Variants in GALNT7 observed in about 807,000 individuals in gnomAD.
GALNT7 encodes the protein polypeptide N-acetylgalactosaminyltransferase 7, also known as N-acetylgalactosaminyltransferase 7.
In GALNT7, 60 loss-of-function variants were observed where a neutral mutation model predicts 82.1. The ratio of observed to expected loss-of-function variants is 0.73; its 90% CI spans 0.59 to 0.91. The LOEUF (loss-of-function observed/expected upper bound fraction) is 0.91. Ranked by LOEUF, GALNT7 falls within the 40% of genes least tolerant of loss-of-function variation. The pLI, the probability that GALNT7 is intolerant of heterozygous loss-of-function variation, is 0.00. For missense variants in GALNT7, 660 were observed against 804.2 expected, an observed-to-expected ratio of 0.82 and a Z score of 2.17; for synonymous variants, 243 against 275.1, an observed-to-expected ratio of 0.88 and a Z score of 1.15.
chr4:173,216,727 A>ATATATATATATATATATATATATATTT (rs71244915), intron 1 of GALNT7, among the ~76,000 whole-genome samples: 1 of 12,980 alleles, frequency 7.7e-5, no homozygotes, highest in African/African-American at 2.8e-4. Flanking sequence ...ATATATATAT[A>ATATATATATATATATATATATATATTT]TTTTTTTTTT....
intron 1 of GALNT7, among the ~76,000 whole-genome samples, chr4:173,243,500 G>A (rs2126730212): frequency 6.6e-6 from 1 of 152,314 alleles, no homozygotes; most frequent in East Asian, 1.9e-4. Context: ...TTGTACCAGT[G>A]AGTCACAGAG....
intron 2 of GALNT7, among the ~76,000 whole-genome samples, chr4:173,253,774 T>C (rs556668812): frequency 1.3e-5 from 2 of 152,308 alleles, no homozygotes; most frequent in East Asian, 3.9e-4. Context: ...ACTGGTCTGC[T>C]GCCCGGTTTA....
chr4:173,188,953 C>CTTA (rs1732538312), intron 1 of GALNT7, among the ~76,000 whole-genome samples: 2 of 152,174 alleles, frequency 1.3e-5, no homozygotes, highest in South Asian at 4.1e-4. Flanking sequence ...CTGAGTAGCC[C>CTTA]CTGGCCTTAC....
chr4:173,188,694 T>G (rs1280965919), intron 1 of GALNT7, among the ~76,000 whole-genome samples: 2 of 152,174 alleles, frequency 1.3e-5, no homozygotes, highest in Non-Finnish European at 2.9e-5. Context: ...GGCCTTCCTT[T>G]CATGTTCATG....
chr4:173,232,702 C>T (rs1351108498), intron 1 of GALNT7, among the ~76,000 whole-genome samples: 1 of 152,164 alleles, frequency 6.6e-6, no homozygotes, highest in Non-Finnish European at 1.5e-5. Flanking sequence ...TCCCAGAGTG[C>T]TGGGATTACA....
At chr4:173,291,740 T>A (rs1240372197) in intron 2 of GALNT7, among the ~76,000 whole-genome samples, 1 of 149,068 alleles carries the variant, frequency 6.7e-6, no homozygotes, top group East Asian at 2.0e-4. Context: ...GTGAAATAAA[T>A]CTCTTGTGCC....
At chr4:173,284,242 A>G (rs1736226226) in intron 2 of GALNT7, among the ~76,000 whole-genome samples, 1 of 152,234 alleles carries the variant, frequency 6.6e-6, no homozygotes, top group South Asian at 2.1e-4. Flanking sequence ...ATTATAAACC[A>G]TTTTTTGAAG....
intron 2 of GALNT7, among the ~76,000 whole-genome samples, chr4:173,283,651 A>G (rs1561188711): frequency 6.6e-6 from 1 of 151,808 alleles, no homozygotes; most frequent in Non-Finnish European, 1.5e-5. Flanking sequence ...AAAAAAAAAA[A>G]AAGAAAGTGA....
chr4:173,256,968 A>G (rs1338458147), intron 2 of GALNT7, among the ~76,000 whole-genome samples: 1 of 152,200 alleles, frequency 6.6e-6, no homozygotes, highest in Non-Finnish European at 1.5e-5. Context: ...TATGGCCACA[A>G]TGGGGAGAAA....
Position 173,248,439 on chromosome 4 carries a change from G to T in GALNT7, c.586G>T (p.Glu196Ter). 1 of 1,581,650 alleles carries T rather than the reference G, an allele frequency of 6.3e-7. No individual in the cohort carries two copies. Among genetic ancestry groups the T allele is most frequent in the Non-Finnish European group, 8.6e-7 (1 of 1,156,830 alleles). The change falls in exon 2 of 12, where the codon GAA (glutamate) becomes TAA (stop). Residue 196 changes from glutamate (E) to a stop codon, truncating the protein, a stop_gained and splice_region_variant. Transcript: ENST00000265000. LOFTEE classifies it high-confidence loss of function. ...DRSVNDLRQE[E>*]CKYWHYDENL... The stretch of plus-strand genomic sequence containing the variant: ...CAGCGTCAATGACTTACGCCAAGAA[G>T]AGTAAGCACACATCCTCTTCTTTCT...
At chr4:173,271,747 G>A (rs1157375674) in intron 2 of GALNT7, among the ~76,000 whole-genome samples, 1 of 152,144 alleles carries the variant, frequency 6.6e-6, no homozygotes, top group Non-Finnish European at 1.5e-5. Flanking sequence ...GTGAGCCACT[G>A]TGCCTGGCCC....
chr4:173,289,754 G>A (rs752292726), intron 2 of GALNT7, among the ~76,000 whole-genome samples: 64 of 152,304 alleles, frequency 4.2e-4, no homozygotes, highest in Non-Finnish European at 8.1e-4. Flanking sequence ...AAAGAACAAA[G>A]GGCTTCTGTA....
chr4:173,169,560 T>A (rs1731776690), intron 1 of GALNT7: 1 of 151,380 alleles, frequency 6.6e-6, no homozygotes. Flanking sequence ...CGCCTCCGGC[T>A]CTTACGGAGA....
chr4:173,198,091 G>A lies in GALNT7; in HGVS notation c.126+29130G>A, dbSNP rs542234253. 1.5e-4 allele frequency among the ~76,000 whole-genome samples: 23 copies of A among 151,232 alleles called. No homozygotes were observed. In the East Asian group the frequency reaches 1.7e-3, roughly 11 times the overall value. On this transcript the variant is annotated intron_variant, in intron 1 of 11. Coordinates refer to ENST00000265000, the MANE Select transcript of GALNT7 (RefSeq NM_017423.3). ...TTTTTTTTTTTTGAGACGGAGTCTCGCTCTGTCACCCAGGCTGGAGTGCAG... is the reference window on the plus strand; with the variant it reads ...TTTTTTTTTTTTGAGACGGAGTCTCACTCTGTCACCCAGGCTGGAGTGCAG...
At chr4:173,235,074 T>C (rs994953531) in intron 1 of GALNT7, among the ~76,000 whole-genome samples, 3 of 152,222 alleles carry the variant, frequency 2.0e-5, no homozygotes, top group Non-Finnish European at 2.9e-5. Flanking sequence ...TAATTAACCC[T>C]TGAATCTGTC....
chr4:173,224,088 G>C (rs1733724040), intron 1 of GALNT7, among the ~76,000 whole-genome samples: 1 of 151,976 alleles, frequency 6.6e-6, no homozygotes, highest in African/African-American at 2.4e-5. Flanking sequence ...TTCACCTAAA[G>C]GAAACCATCC....
At chr4:173,248,582 T>C in intron 2 of GALNT7, 142 bp downstream of exon 2, 1 of 627,002 alleles carries the variant, frequency 1.6e-6, no homozygotes, top group Non-Finnish European at 2.7e-6. Context: ...AACAGCAAAA[T>C]GGTCAGAAGG....
chr4:173,261,614 C>T lies in GALNT7; in HGVS notation c.587+13174C>T, dbSNP rs181404420. 9.7e-3 allele frequency among the ~76,000 whole-genome samples: 1,479 copies of T among 152,032 alleles called. 23 individuals carry two copies. The highest frequency in any genetic ancestry group is 0.034 in the African/African-American group (1,404 of 41,478). ...GGTGGATCACCTGAGGCCAGGAGTT[C>T]GAGACCAGCCTGGCCAACATGGTGA... On this transcript the variant is annotated intron_variant, in intron 2 of 11. Coordinates refer to ENST00000265000, the MANE Select transcript of GALNT7 (RefSeq NM_017423.3).
chr4:173,273,736 T>C (rs560972621), intron 2 of GALNT7, among the ~76,000 whole-genome samples: 2 of 152,154 alleles, frequency 1.3e-5, no homozygotes, highest in Non-Finnish European at 2.9e-5. Context: ...TTCCTCCTTC[T>C]TTTTCCTCTC....
Sources: allele counts gnomAD v4.1 joint callset (sites outside exome capture counted in the v4.1 genomes callset), GRCh38; gene constraint gnomAD v4.1.1; transcripts MANE v1.5; gene names NCBI Gene and HGNC (gene_info 2026-07-23, HGNC 2026-07-21).